Variants in CAMK4 observed in about 807,000 individuals in gnomAD.
The protein encoded by CAMK4 is calcium/calmodulin dependent protein kinase IV.
A neutral mutation model predicts 44.9 loss-of-function variants in CAMK4; 22 were observed. The ratio of observed to expected loss-of-function variants is 0.49; its 90% CI spans 0.35 to 0.70. The LOEUF is 0.70. Among genes scored for constraint, CAMK4 ranks in the 30% least tolerant of loss-of-function variants. The probability of loss-of-function intolerance (pLI) is 0.01; values close to 1 mark genes in which losing one functional copy is unlikely to be tolerated. For synonymous variants in CAMK4, 218 were observed against 215.4 expected (o/e 1.01, Z -0.11); for missense variants, 498 against 586.8 (o/e 0.85, Z 1.56).
chr5:111,258,582 G>A (rs1749839050), intron 1 of CAMK4, among the ~76,000 whole-genome samples: 1 of 152,100 alleles, frequency 6.6e-6, no homozygotes, highest in South Asian at 2.1e-4. Flanking sequence ...ACTATCATGA[G>A]AATAGCACAG....
chr5:111,278,522 A>G (rs991329500), intron 1 of CAMK4, among the ~76,000 whole-genome samples: 6 of 152,256 alleles, frequency 3.9e-5, no homozygotes, highest in Non-Finnish European at 2.9e-5. Flanking sequence ...TGTTAGGTTC[A>G]TGTGAATAAA....
At chr5:111,399,080 A>G (rs530456206) in intron 5 of CAMK4, among the ~76,000 whole-genome samples, 14 of 152,160 alleles carry the variant, frequency 9.2e-5, no homozygotes, top group African/African-American at 3.4e-4. Context: ...CATCACATTG[A>G]AAGTAAAAAA....
chr5:111,450,189 G>T (rs1190842038), intron 7 of CAMK4, among the ~76,000 whole-genome samples: 1 of 151,974 alleles, frequency 6.6e-6, no homozygotes, highest in Non-Finnish European at 1.5e-5. Flanking sequence ...AATTAGCCAG[G>T]TATGATGGTG....
chr5:111,272,597 A>T (rs1212126478), intron 1 of CAMK4, among the ~76,000 whole-genome samples: 3 of 152,314 alleles, frequency 2.0e-5, no homozygotes, highest in East Asian at 3.9e-4. Flanking sequence ...AAATTAGGTA[A>T]TGTTACATAT....
intron 4 of CAMK4, among the ~76,000 whole-genome samples, chr5:111,381,279 C>T (rs1374233411): frequency 1.3e-5 from 2 of 152,094 alleles, no homozygotes; most frequent in African/African-American, 4.8e-5. Flanking sequence ...AGAATTGACT[C>T]ACGCAGTCAC....
intron 6 of CAMK4, among the ~76,000 whole-genome samples, chr5:111,447,109 G>T (rs1242961939): frequency 6.6e-6 from 1 of 152,256 alleles, no homozygotes; most frequent in South Asian, 2.1e-4. Flanking sequence ...ACATCTTTTG[G>T]AGATATTAAC....
At position 111,245,766 on chromosome 5, in the gene CAMK4, G is replaced by A. The variant is rs578142620; in HGVS notation, c.161+21122G>A. 2.6e-4 allele frequency among the ~76,000 whole-genome samples: 40 copies of A among 152,264 alleles called. No homozygotes were observed. The South Asian group carries it at 4.1e-3, about 16-fold the overall frequency. ...TGCTGTGTGTGCCATAAAATGCTGCGCATTCATGGACAAATTTTCTGATAT... is the reference window on the plus strand; with the variant it reads ...TGCTGTGTGTGCCATAAAATGCTGCACATTCATGGACAAATTTTCTGATAT... On this transcript the variant is annotated intron_variant, in intron 1 of 10. Coordinates refer to ENST00000282356, the MANE Select transcript of CAMK4 (RefSeq NM_001744.6).
At chr5:111,392,571 A>G (rs1751841001) in intron 4 of CAMK4, among the ~76,000 whole-genome samples, 1 of 152,154 alleles carries the variant, frequency 6.6e-6, no homozygotes. Context: ...ACATAAATAC[A>G]AACACTCCTA....
intron 5 of CAMK4, among the ~76,000 whole-genome samples, chr5:111,421,917 C>T (rs369667884): frequency 4.6e-5 from 7 of 152,094 alleles, no homozygotes; most frequent in Admixed American, 1.3e-4. Flanking sequence ...TTATAAAGGA[C>T]GGTTCGCTTG....
chr5:111,410,546 G>A lies in CAMK4; in HGVS notation c.459+15764G>A, dbSNP rs189137946. ...TTATTCTTTCATTGATTGTTTATTG[G>A]AGGATGGGTTGGGACCATAAAATTT... is the stretch of plus-strand genomic sequence containing the variant. On this transcript the variant is annotated intron_variant, in intron 5 of 10. Coordinates refer to ENST00000282356, the MANE Select transcript of CAMK4 (RefSeq NM_001744.6). Among the ~76,000 whole-genome samples, 8 of 152,286 alleles carry A rather than the reference G, an allele frequency of 5.3e-5. No individual in the cohort carries two copies. The East Asian group carries it at 9.7e-4, about 18-fold the overall frequency.
intron 5 of CAMK4, among the ~76,000 whole-genome samples, chr5:111,437,670 C>A (rs757097962): frequency 2.0e-5 from 3 of 151,966 alleles, no homozygotes; most frequent in Non-Finnish European, 4.4e-5. Context: ...GAGAGCTGGC[C>A]AGATGAAGAA....
intron 1 of CAMK4, among the ~76,000 whole-genome samples, chr5:111,258,539 T>C (rs1361415071): frequency 6.6e-6 from 1 of 152,116 alleles, no homozygotes; most frequent in Non-Finnish European, 1.5e-5. Flanking sequence ...CAGAAATCCC[T>C]GATAAGCCCA....
At chr5:111,291,543 G>C (rs1201833044) in intron 1 of CAMK4, among the ~76,000 whole-genome samples, 1 of 152,140 alleles carries the variant, frequency 6.6e-6, no homozygotes, top group Non-Finnish European at 1.5e-5. Flanking sequence ...TGTAGAGACA[G>C]GGTCTTACTC....
intron 7 of CAMK4, among the ~76,000 whole-genome samples, chr5:111,456,316 C>T (rs1457343172): frequency 6.6e-6 from 1 of 151,836 alleles, no homozygotes; most frequent in Non-Finnish European, 1.5e-5. Flanking sequence ...CCTGGCTAAC[C>T]CCGTCTCTTC....
In CAMK4 at chr5:111,371,675, T is replaced by A. The variant is rs562560921; in HGVS notation, c.241-3175T>A. On this transcript the variant is annotated intron_variant, in intron 2 of 10. Transcript: ENST00000282356. ...ATTTCCAGTTCAATAAAACACATTT[T>A]TTGGTTTTTAAATTTTATCTATTTA... Among the ~76,000 whole-genome samples the A allele has an allele frequency of 3.3e-5, 5 of 152,324 alleles. No individual in the cohort carries two copies. In the South Asian group the frequency reaches 1.0e-3, roughly 32 times the overall value.
chr5:111,427,350 C>A (rs895127302), intron 5 of CAMK4, among the ~76,000 whole-genome samples: 3 of 152,170 alleles, frequency 2.0e-5, no homozygotes, highest in African/African-American at 7.2e-5. Context: ...AAGCCACCAG[C>A]AATACATGGG....
chr5:111,295,668 CA>C (rs1747452211), intron 1 of CAMK4, among the ~76,000 whole-genome samples: 1 of 152,080 alleles, frequency 6.6e-6, no homozygotes, highest in African/African-American at 2.4e-5. Context: ...TCTTTAATTC[CA>C]AAATATATTC....
chr5:111,280,749 A>C (rs1196215941), intron 1 of CAMK4, among the ~76,000 whole-genome samples: 1 of 152,248 alleles, frequency 6.6e-6, no homozygotes, highest in African/African-American at 2.4e-5. Context: ...GCAAATTGGC[A>C]GAGACCAGGA....
chr5:111,420,914 A>G (rs550610583), intron 5 of CAMK4, among the ~76,000 whole-genome samples: 55 of 152,274 alleles, frequency 3.6e-4, no homozygotes, highest in African/African-American at 1.3e-3. Flanking sequence ...TGTGCAGTTA[A>G]TGCAATTATT....
Sources: gnomAD v4.1 joint callset for allele counts (sites outside exome capture counted in the v4.1 genomes callset) on GRCh38, gnomAD v4.1.1 for gene constraint, MANE v1.5 for transcripts, NCBI Gene and HGNC (gene_info 2026-07-23, HGNC 2026-07-21) for gene names.